The following MLLT10 variants were observed in gnomAD, a reference collection of about 807,000 sequenced individuals.
MLLT10 encodes protein AF-10.
In MLLT10, 30 loss-of-function variants were observed where a neutral mutation model predicts 129.1. The ratio of observed to expected loss-of-function variants is 0.23; its 90% CI spans 0.17 to 0.32. The LOEUF is 0.32. Among genes scored for constraint, MLLT10 ranks in the 10% least tolerant of loss-of-function variants. The probability of loss-of-function intolerance (pLI) is 1.00; values close to 1 mark genes in which losing one functional copy is unlikely to be tolerated. For missense variants in MLLT10, 1,119 were observed against 1,268.3 expected (o/e 0.88, Z 1.79); for synonymous variants, 490 against 446.4 (o/e 1.10, Z -1.23).
At chr10:21,561,288 C>T (rs1257572440) in intron 3 of MLLT10, among the ~76,000 whole-genome samples, 1 of 151,976 alleles carries the variant, frequency 6.6e-6, no homozygotes, top group Non-Finnish European at 1.5e-5. Context: ...GCTCTGTTGC[C>T]CAGGCTGGAG....
intron 9 of MLLT10, among the ~76,000 whole-genome samples, chr10:21,669,591 G>C (rs576652976): frequency 1.3e-5 from 2 of 152,140 alleles, no homozygotes; most frequent in African/African-American, 2.4e-5. Flanking sequence ...GCATGCCTCA[G>C]ATACTTTAGT....
At chr10:21,554,106 T>C (rs1383300415) in intron 3 of MLLT10, among the ~76,000 whole-genome samples, 4 of 152,210 alleles carry the variant, frequency 2.6e-5, no homozygotes, top group Admixed American at 2.0e-4. Context: ...GCTCCTGTTT[T>C]GGAATGTGAG....
At chr10:21,582,619 C>G (rs1384837847) in intron 3 of MLLT10, among the ~76,000 whole-genome samples, 1 of 152,004 alleles carries the variant, frequency 6.6e-6, no homozygotes, top group East Asian at 1.9e-4. Flanking sequence ...CTGAAGTGGT[C>G]CTGATGAAAG....
intron 3 of MLLT10, chr10:21,556,871 C>G (rs1202412330): frequency 6.4e-7 from 1 of 1,551,130 alleles, no homozygotes; most frequent in South Asian, 1.2e-5. Context: ...CAGGGATATT[C>G]TTTTTTATAT....
At chr10:21,612,301 T>G in intron 5 of MLLT10, 47 bp from the exon 6 acceptor site, 1 of 1,175,224 alleles carries the variant, frequency 8.5e-7, no homozygotes, top group Non-Finnish European at 1.2e-6. Context: ...TTCTGATTCA[T>G]GTTAAGAACA....
chr10:21,543,658 T>A (rs1040533424), intron 3 of MLLT10, among the ~76,000 whole-genome samples: 17 of 152,044 alleles, frequency 1.1e-4, no homozygotes, highest in African/African-American at 3.9e-4. Context: ...TTTGTATTTT[T>A]AGTAGAGATG....
chr10:21,635,374 CTTGT>C (rs1055553280), intron 8 of MLLT10, among the ~76,000 whole-genome samples: 3 of 151,788 alleles, frequency 2.0e-5, no homozygotes, highest in Admixed American at 6.6e-5. Context: ...ATTTGCTTTG[CTTGT>C]TTGTTTTTTT....
At chr10:21,639,693 GA>G (rs2047800367) in intron 8 of MLLT10, among the ~76,000 whole-genome samples, 1 of 152,076 alleles carries the variant, frequency 6.6e-6, no homozygotes, top group African/African-American at 2.4e-5. Context: ...ACTGAGTAGG[GA>G]AACCCAAGCA....
intron 3 of MLLT10, among the ~76,000 whole-genome samples, chr10:21,564,824 C>CA (rs372061828): frequency 0.014 from 1,065 of 73,854 alleles, 4 homozygotes; most frequent in Admixed American, 0.019. Context: ...AACTCCATCT[C>CA]AAAAAAAAAA....
intron 9 of MLLT10, among the ~76,000 whole-genome samples, chr10:21,655,433 T>A (rs1225272713): frequency 2.0e-5 from 3 of 152,218 alleles, no homozygotes; most frequent in Admixed American, 1.3e-4. Flanking sequence ...CAAGCGGATG[T>A]GGCAGTGTTC....
intron 9 of MLLT10, 131 bp downstream of exon 9, chr10:21,651,899 ATTTCTTTTTTTTTT>A: frequency 1.1e-5 from 2 of 184,748 alleles, no homozygotes; most frequent in African/African-American, 4.0e-5. Context: ...TAGAATTCTC[ATTTCTTTTTTTTTT>A]TTTTTTTTTT....
intron 8 of MLLT10, among the ~76,000 whole-genome samples, chr10:21,651,314 C>T (rs1172430459): frequency 1.3e-5 from 2 of 152,136 alleles, no homozygotes; most frequent in Non-Finnish European, 2.9e-5. Flanking sequence ...TCGTGATCCG[C>T]CCGCTTCAGC....
chr10:21,581,724 C>T lies in MLLT10; in HGVS notation c.241-4570C>T, dbSNP rs545853995. ...GTACACATTCTCTTTCTCTTGCTTGCTGCTATGTAAGATGTGCTTGCTTCC... is the reference window on the plus strand; with the variant it reads ...GTACACATTCTCTTTCTCTTGCTTGTTGCTATGTAAGATGTGCTTGCTTCC... On this transcript the variant is annotated intron_variant, in intron 3 of 22. Coordinates refer to ENST00000307729, the MANE Select transcript of MLLT10 (RefSeq NM_001195626.3). Among the ~76,000 whole-genome samples, 2 of 152,136 alleles carry T rather than the reference C, an allele frequency of 1.3e-5. 1 individual carries two copies. The highest frequency in any genetic ancestry group is 1.3e-4 in the Admixed American group (2 of 15,266).
intron 3 of MLLT10, among the ~76,000 whole-genome samples, chr10:21,581,545 A>G (rs2041457326): frequency 6.6e-6 from 1 of 152,190 alleles, no homozygotes; most frequent in Non-Finnish European, 1.5e-5. Context: ...TTGGCTGTGT[A>G]TCCCCACTGA....
intron 13 of MLLT10, among the ~76,000 whole-genome samples, chr10:21,691,444 T>C (rs192070215): frequency 6.6e-6 from 1 of 152,336 alleles, no homozygotes; most frequent in East Asian, 1.9e-4. Context: ...TAATAACAGC[T>C]AGGTATTTGG....
chr10:21,683,660 C>T (rs972524273), intron 13 of MLLT10, among the ~76,000 whole-genome samples: 6 of 152,040 alleles, frequency 3.9e-5, no homozygotes, highest in Admixed American at 1.3e-4. Flanking sequence ...TCTTAGGCTT[C>T]GCTGGAAAAA....
At chr10:21,553,955 T>G (rs1002484495) in intron 3 of MLLT10, among the ~76,000 whole-genome samples, 4 of 152,200 alleles carry the variant, frequency 2.6e-5, no homozygotes, top group Admixed American at 6.5e-5. Flanking sequence ...CAGCCGATTC[T>G]GATTTCTTTT....
intron 4 of MLLT10, among the ~76,000 whole-genome samples, chr10:21,591,844 C>T (rs2042541389): frequency 6.6e-6 from 1 of 151,970 alleles, no homozygotes; most frequent in Admixed American, 6.6e-5. Flanking sequence ...CCTCAGCCTC[C>T]TGAGTAGCTG....
At chr10:21,601,686 C>T (rs2043547689) in intron 5 of MLLT10, among the ~76,000 whole-genome samples, 1 of 152,244 alleles carries the variant, frequency 6.6e-6, no homozygotes, top group East Asian at 1.9e-4. Context: ...CACCACCACA[C>T]CTAGTTTTTT....
Sources: allele counts gnomAD v4.1 joint callset (sites outside exome capture counted in the v4.1 genomes callset), GRCh38; gene constraint gnomAD v4.1.1; transcripts MANE v1.5; gene names NCBI Gene and HGNC (gene_info 2026-07-23, HGNC 2026-07-21).